RBM17: variants seen among roughly 807,000 people sequenced by gnomAD.
The protein encoded by RBM17 is splicing factor 45.
RBM17 carries 7 observed loss-of-function variants against 53.2 expected under a neutral mutation model. The observed-to-expected ratio is 0.13, with a 90% CI of 0.07 to 0.25. The LOEUF (loss-of-function observed/expected upper bound fraction) is 0.25, where lower values mean the gene tolerates loss of function less well. Among genes scored for constraint, RBM17 ranks in the 10% least tolerant of loss-of-function variants. RBM17 has a pLI of 1.00. For synonymous variants in RBM17, 167 were observed against 178.1 expected, an observed-to-expected ratio of 0.94 and a Z score of 0.50; for missense variants, 257 against 496.7, an observed-to-expected ratio of 0.52 and a Z score of 4.59.
intron 1 of RBM17, among the ~76,000 whole-genome samples, chr10:6,096,595 G>A (rs1840578533): frequency 6.6e-6 from 1 of 152,116 alleles, no homozygotes; most frequent in Admixed American, 6.5e-5. Flanking sequence ...GATCATTTCT[G>A]TCATTTTTTT....
At chr10:6,091,406 C>T (rs1588341069) in intron 1 of RBM17, among the ~76,000 whole-genome samples, 2 of 151,996 alleles carry the variant, frequency 1.3e-5, no homozygotes, top group African/African-American at 4.8e-5. Context: ...TTTTATGATG[C>T]ATGAATATCT....
intron 1 of RBM17, among the ~76,000 whole-genome samples, chr10:6,092,071 A>G (rs1193993184): frequency 1.3e-5 from 2 of 152,224 alleles, no homozygotes; most frequent in African/African-American, 4.8e-5. Flanking sequence ...CTAAGAAAAA[A>G]TGTAGCATAT....
At chr10:6,101,992 T>C (rs79406484) in intron 3 of RBM17, among the ~76,000 whole-genome samples, 1,994 of 151,966 alleles carry the variant, frequency 0.013, 98 homozygotes, top group East Asian at 0.093. Context: ...ACTCTATAAA[T>C]TGGGTTATTG....
chr10:6,109,496 C>T (rs1217889178), intron 6 of RBM17, among the ~76,000 whole-genome samples: 3 of 152,180 alleles, frequency 2.0e-5, no homozygotes, highest in Non-Finnish European at 4.4e-5. Flanking sequence ...GGTCTTAAAG[C>T]GTCCTACTGA....
chr10:6,110,081 C>T lies in RBM17; in HGVS notation c.658C>T (p.Pro220Ser). 1.2e-6 allele frequency: 2 copies of T among 1,611,534 alleles called. No homozygotes were observed. The highest frequency in any genetic ancestry group is 1.7e-6 in the Non-Finnish European group (2 of 1,178,564). ...PPPVYEEQDR[P>S]RSPTGPSNSF... ...CCCAGTGTACGAGGAACAAGACAGA[C>T]CGAGATCTCCAACCGGACCTAGCAA... Residue 220 changes from proline (P) to serine (S), a missense_variant, in exon 7 of 12, where the codon CCG becomes TCG. By Grantham distance (74) the Pro-to-Ser change is moderately conservative. Coordinates refer to ENST00000379888, the MANE Select transcript of RBM17 (RefSeq NM_032905.5).
intron 3 of RBM17, among the ~76,000 whole-genome samples, chr10:6,103,267 T>TC (rs1840696738): frequency 6.6e-6 from 1 of 152,048 alleles, no homozygotes; most frequent in East Asian, 1.9e-4. Flanking sequence ...TACCCCATCC[T>TC]CCCCCCTCAG....
intron 5 of RBM17, among the ~76,000 whole-genome samples, chr10:6,107,562 A>G (rs928297992): frequency 7.8e-6 from 1 of 128,812 alleles, no homozygotes; most frequent in African/African-American, 3.0e-5. Flanking sequence ...GCTCACTGCA[A>G]CCTCCATCTC....
chr10:6,114,117 T>C lies in RBM17; in HGVS notation c.999T>C (p.Tyr333=), dbSNP rs1311741181. The C allele has an allele frequency of 2.5e-6, 4 of 1,611,900 alleles. No individual in the cohort carries two copies. Among genetic ancestry groups the C allele is most frequent in the South Asian group, 1.1e-5 (1 of 90,958 alleles). The stretch of plus-strand genomic sequence containing the variant: ...AAACCAAGGAAGAATGTGAAAAATA[T>C]GGCAAAGTTGGAAAATGTGTGATAT... The part of the protein sequence containing the change: ...EVETKEECEK[Y]GKVGKCVIFE... The change falls in exon 10 of 12, where the codon TAT becomes TAC. Residue 333 remains tyrosine (Y), a synonymous_variant. Transcript: ENST00000379888.
chr10:6,107,551 G>A (rs774086253), intron 5 of RBM17, among the ~76,000 whole-genome samples: 5 of 128,736 alleles, frequency 3.9e-5, no homozygotes, highest in Non-Finnish European at 7.8e-5. Flanking sequence ...GCGCCATCTC[G>A]GCTCACTGCA....
intron 3 of RBM17, among the ~76,000 whole-genome samples, 170 bp downstream of exon 3, chr10:6,101,557 A>G (rs1024790980): frequency 6.6e-6 from 1 of 152,214 alleles, no homozygotes; most frequent in Non-Finnish European, 1.5e-5. Context: ...AAATGTATCT[A>G]TTTGAAATTA....
intron 7 of RBM17, among the ~76,000 whole-genome samples, chr10:6,111,086 C>T (rs1588351269): frequency 6.6e-6 from 1 of 152,200 alleles, no homozygotes; most frequent in East Asian, 1.9e-4. Flanking sequence ...AGTTTCTGGT[C>T]TTTTTAGCCC....
chr10:6,114,877 GA>G, intron 10 of RBM17: 1 of 211,950 alleles, frequency 4.7e-6, no homozygotes, highest in South Asian at 9.9e-5. Context: ...GACCTGATGT[GA>G]AAGGCCACTA....
chr10:6,105,694 G>A (rs909820417), intron 4 of RBM17, among the ~76,000 whole-genome samples: 2 of 152,176 alleles, frequency 1.3e-5, no homozygotes, highest in Non-Finnish European at 2.9e-5. Context: ...TTTTTGCAAA[G>A]TACGAGTAGT....
chr10:6,107,183 A>G (rs1250629524), intron 5 of RBM17, among the ~76,000 whole-genome samples: 2 of 152,166 alleles, frequency 1.3e-5, no homozygotes, highest in African/African-American at 2.4e-5. Flanking sequence ...AGAAGAATGA[A>G]TTTATTTATT....
rs930852439 is a variant in RBM17, at chr10:6,097,254, G to A, written c.123+66G>A. 1.9e-6 allele frequency: 3 copies of A among 1,549,684 alleles called. No individual in the cohort carries two copies. The African/African-American group carries it at 4.1e-5, about 21-fold the overall frequency. On this transcript the variant is annotated intron_variant, in intron 2 of 11. Transcript: ENST00000379888. ...GTGGGTTCCTCATTAGGATGACAAG[G>A]AATTTGGTTTCAGCTTGCTCTTCTG... is the stretch of plus-strand genomic sequence containing the variant.
At chr10:6,102,439 G>T (rs1055379263) in intron 3 of RBM17, among the ~76,000 whole-genome samples, 3 of 152,170 alleles carry the variant, frequency 2.0e-5, no homozygotes, top group African/African-American at 7.2e-5. Context: ...AGCGGGTGCT[G>T]TTCCTGAGGG....
At chr10:6,109,132 T>A (rs1055004738) in intron 6 of RBM17, among the ~76,000 whole-genome samples, 5 of 97,188 alleles carry the variant, frequency 5.1e-5, no homozygotes, top group African/African-American at 1.4e-4. Flanking sequence ...CTTCCTTGAT[T>A]AGATTTTTTC....
intron 4 of RBM17, 49 bp downstream of exon 4, chr10:6,105,146 T>A (rs774664385): frequency 6.4e-7 from 1 of 1,570,242 alleles, no homozygotes. Flanking sequence ...AAATGTTCAT[T>A]AAAATGTTAA....
chr10:6,095,387 A>G (rs1360404300), intron 1 of RBM17, among the ~76,000 whole-genome samples: 1 of 151,908 alleles, frequency 6.6e-6, no homozygotes, highest in Non-Finnish European at 1.5e-5. Context: ...TAATTTTTGT[A>G]TTTTTAATAG....
Sources: allele counts gnomAD v4.1 joint callset (sites outside exome capture counted in the v4.1 genomes callset), GRCh38; gene constraint gnomAD v4.1.1; transcripts MANE v1.5; gene names NCBI Gene and HGNC (gene_info 2026-07-23, HGNC 2026-07-21).